Variants in MCM5 observed in about 807,000 individuals in gnomAD.
MCM5 encodes DNA replication licensing factor MCM5.
A neutral mutation model predicts 79.9 loss-of-function variants in MCM5; 46 were observed. That is an observed-to-expected ratio of 0.58 (90% CI 0.45 to 0.74). MCM5 has a LOEUF of 0.74. Ranked by LOEUF, MCM5 falls within the 30% of genes least tolerant of loss-of-function variation. The pLI, the probability that MCM5 is intolerant of heterozygous loss-of-function variation, is 0.00. For missense variants in MCM5, 883 were observed against 1,017.0 expected, an observed-to-expected ratio of 0.87 and a Z score of 1.79; for synonymous variants, 404 against 390.5, an observed-to-expected ratio of 1.03 and a Z score of -0.41.
the MCM5 span, among the ~76,000 whole-genome samples, chr22:35,443,039 G>A: frequency 6.6e-6 from 1 of 152,160 alleles, no homozygotes; most frequent in African/African-American, 2.4e-5. Flanking sequence ...GGCAGCCATG[G>A]AGATGGCTTT....
At chr22:35,453,819 T>TATATATATATATATAGAGAGAGAG in the MCM5 span, among the ~76,000 whole-genome samples, 2 of 81,542 alleles carry the variant, frequency 2.5e-5, no homozygotes, top group African/African-American at 6.0e-5. Context: ...TATATATATA[T>TATATATATATATATAGAGAGAGAG]AGAGAGAGAG....
Position 35,403,257 on chromosome 22 carries a change from A to G in MCM5, c.218A>G (p.Glu73Gly). Residue 73 changes from glutamate (E) to glycine (G), a missense_variant, in exon 3 of 17, where the codon GAG (glutamate) becomes GGG (glycine). Physicochemically the swap from Glu to Gly is moderately conservative, Grantham distance 98 (BLOSUM62 -2). This residue lies in a region of MCM5 where 455 missense variants were observed against 517.5 expected (regional missense o/e 0.88). Transcript: ENST00000216122. ...YNLGEYWIEV[E>G]MEDLASFDED... ...CTGGGGGAGTACTGGATTGAGGTGG[A>G]GATGGAGGATCTGGCCAGCTTTGAT... 2 of 1,614,106 alleles carry G rather than the reference A, an allele frequency of 1.2e-6. No homozygotes were observed. The highest frequency in any genetic ancestry group is 1.7e-6 in the Non-Finnish European group (2 of 1,180,024).
chr22:35,433,514 A>G, the MCM5 span, among the ~76,000 whole-genome samples: 8 of 152,116 alleles, frequency 5.3e-5, no homozygotes, highest in South Asian at 2.1e-4. Context: ...CTCCTAACCC[A>G]GGTTGCCTTT....
At chr22:35,427,490 T>G (rs1409847561), downstream of MCM5, among the ~76,000 whole-genome samples, 1 of 150,990 alleles carries the variant, frequency 6.6e-6, no homozygotes. Flanking sequence ...GTTTGGTATT[T>G]AACACATTTT....
Position 35,425,222 on chromosome 22 carries a change from G to A in MCM5, c.*967G>A, listed in dbSNP as rs1932767795. ...TGGTATGTTTTGTGTTTTTAAAAAA[G>A]CTAGGATTCATAAAATTAAATAGAA... On this transcript the variant is annotated 3_prime_UTR_variant, in exon 17 of 17. Transcript: ENST00000216122. The A allele has an allele frequency of 6.6e-6, 1 of 152,044 alleles. No individual in the cohort carries two copies. The highest frequency in any genetic ancestry group is 2.1e-4 in the South Asian group (1 of 4,824). 9.4% of individuals were successfully genotyped at this position (152,044 alleles called of 1,614,324 possible). A position where few individuals can be genotyped will look rare whatever the true frequency, so the allele number is the denominator to read the frequency against.
chr22:35,428,094 C>T (rs1436804935), downstream of MCM5, among the ~76,000 whole-genome samples: 2 of 150,552 alleles, frequency 1.3e-5, no homozygotes, highest in South Asian at 2.1e-4. Flanking sequence ...GATCTCGGCT[C>T]ACTGCAACCT....
At position 35,412,601 on chromosome 22, in the gene MCM5, G is replaced by A; in HGVS notation, c.1011G>A (p.Lys337=). 3 of 1,589,150 alleles carry A rather than the reference G, an allele frequency of 1.9e-6. No homozygotes were observed. Among genetic ancestry groups the A allele is most frequent in the Non-Finnish European group, 2.6e-6 (3 of 1,165,702 alleles). ...CAAATGTCTATGAGGTCATCTCCAA[G>A]AGCATCGCCCCCTCCATCTTTGGGG... is the stretch of plus-strand genomic sequence containing the variant. ...ALPNVYEVIS[K]SIAPSIFGGT... is the part of the protein sequence containing the mutation. The change falls in exon 8 of 17, where the codon AAG becomes AAA. Residue 337 remains lysine (K), a synonymous_variant. Transcript: ENST00000216122.
chr22:35,429,684 C>T (rs759662123), downstream of MCM5, among the ~76,000 whole-genome samples: 49 of 151,916 alleles, frequency 3.2e-4, no homozygotes, highest in Non-Finnish European at 5.7e-4. Flanking sequence ...TACAGGCGCG[C>T]GCCACTGTAG....
At chr22:35,453,701 G>A in the MCM5 span, among the ~76,000 whole-genome samples, 1 of 151,212 alleles carries the variant, frequency 6.6e-6, no homozygotes, top group Admixed American at 6.6e-5. Flanking sequence ...GAGAGAGAGA[G>A]AGACAAAAGG....
chr22:35,405,186 C>T (rs1020359579), intron 4 of MCM5, among the ~76,000 whole-genome samples: 4 of 151,856 alleles, frequency 2.6e-5, no homozygotes, highest in African/African-American at 9.7e-5. Flanking sequence ...CCACCACGCC[C>T]GGCTAATTTT....
chr22:35,445,325 CTTTTTTTT>C, the MCM5 span, among the ~76,000 whole-genome samples: 1 of 83,638 alleles, frequency 1.2e-5, no homozygotes, highest in African/African-American at 5.2e-5. Flanking sequence ...TTTGACTATG[CTTTTTTTT>C]TTTTTTTTTT....
At chr22:35,402,311 T>C (rs936571033) in intron 2 of MCM5, among the ~76,000 whole-genome samples, 4 of 151,854 alleles carry the variant, frequency 2.6e-5, no homozygotes, top group Non-Finnish European at 5.9e-5. Flanking sequence ...GCCTCCAGTT[T>C]TTTTGTTGTT....
rs1932739084 is a variant in MCM5 at position 35,423,237 on chromosome 22, G to A, written c.1999G>A (p.Glu667Lys). The A allele has an allele frequency of 2.5e-6, 4 of 1,594,642 alleles. No individual in the cohort carries two copies. Among genetic ancestry groups the A allele is most frequent in the Non-Finnish European group, 3.4e-6 (4 of 1,167,308 alleles). The change falls in exon 16 of 17, where the codon GAG becomes AAG. Residue 667 changes from glutamate to lysine, a missense_variant. This residue lies in a region of MCM5 where 426 missense variants were observed against 482.3 expected (regional missense o/e 0.88). Coordinates refer to ENST00000216122, the MANE Select transcript of MCM5 (RefSeq NM_006739.4). ...LSGVEGFTSQEDQEMLSRIEK... is the reference protein window; with the variant it reads ...LSGVEGFTSQKDQEMLSRIEK... ...AGGGGTGGAGGGCTTCACCAGCCAG[G>A]AGGACCAGGAGATGCTGAGCCGCAT...
chr22:35,431,972 A>G, the MCM5 span, among the ~76,000 whole-genome samples: 1 of 152,186 alleles, frequency 6.6e-6, no homozygotes, highest in Non-Finnish European at 1.5e-5. Context: ...CCCCAGAAGG[A>G]ACGTGGTGGC....
At chr22:35,452,098 A>G in the MCM5 span, among the ~76,000 whole-genome samples, 2 of 152,178 alleles carry the variant, frequency 1.3e-5, no homozygotes, top group African/African-American at 2.4e-5. Context: ...CCAGGCACCC[A>G]GAAAACGAGT....
intron 4 of MCM5, 124 bp downstream of exon 4, chr22:35,403,666 CA>C: frequency 8.2e-7 from 1 of 1,212,970 alleles, no homozygotes; most frequent in Non-Finnish European, 1.1e-6. Flanking sequence ...CTCCTGGAGA[CA>C]AAAGGATCGT....
chr22:35,411,201 T>G, intron 7 of MCM5: 1 of 250,692 alleles, frequency 4.0e-6, no homozygotes, highest in South Asian at 8.1e-5. Context: ...TGACAGGAAA[T>G]ACAAGAGAAG....
At chr22:35,415,294 T>A (rs1444305942) in intron 9 of MCM5, among the ~76,000 whole-genome samples, 1 of 152,236 alleles carries the variant, frequency 6.6e-6, no homozygotes, top group African/African-American at 2.4e-5. Flanking sequence ...TTGTTTGATA[T>A]GTAGATTATT....
chr22:35,406,306 C>CCCCCA (rs1397112777), intron 4 of MCM5, among the ~76,000 whole-genome samples: 2 of 142,240 alleles, frequency 1.4e-5, no homozygotes, highest in Non-Finnish European at 1.5e-5. Context: ...ACCTCCCCCC[C>CCCCCA]CAATTGTGCT....
Sources: allele counts gnomAD v4.1 joint callset (sites outside exome capture counted in the v4.1 genomes callset), GRCh38; gene constraint gnomAD v4.1.1; regional missense constraint gnomAD v4.1.1; transcripts MANE v1.5; gene names NCBI Gene and HGNC (gene_info 2026-07-23, HGNC 2026-07-21).